The following KCNN3 variants were observed in gnomAD, a reference collection of about 807,000 sequenced individuals.
KCNN3 encodes the protein small conductance calcium-activated potassium channel protein 3.
Under a neutral mutation model 62.9 loss-of-function variants are expected in KCNN3, and 16 were observed. The observed-to-expected ratio is 0.25, with a 90% confidence interval of 0.17 to 0.39. KCNN3 has a LOEUF of 0.39. Among genes scored for constraint, KCNN3 ranks in the 10% least tolerant of loss-of-function variants. The pLI, the probability that KCNN3 is intolerant of heterozygous loss-of-function variation, is 1.00. For missense variants in KCNN3, 599 were observed against 949.4 expected (o/e 0.63, Z 4.85); for synonymous variants, 370 against 389.2 (o/e 0.95, Z 0.58).
intron 1 of KCNN3, among the ~76,000 whole-genome samples, chr1:154,835,494 T>C (rs982349540): frequency 1.5e-4 from 23 of 152,202 alleles, no homozygotes; most frequent in African/African-American, 5.3e-4. Context: ...CAGACATCAT[T>C]CTGCTGGATC....
rs535792177 is a variant in KCNN3, at chr1:154,799,732, C to T, written c.1029+22357G>A. Among the ~76,000 whole-genome samples the T allele has an allele frequency of 3.3e-5, 5 of 152,338 alleles. No individual in the cohort carries two copies. In the East Asian group the frequency reaches 5.8e-4, roughly 18 times the overall value. On this transcript the variant is annotated intron_variant, in intron 2 of 7. Transcript: ENST00000271915. ...GGTGGGGAGACCTGTGCCCCTACAGCGGACAGCCAGCTGATCGTGGTCTGG... is the reference window on the plus strand; with the variant it reads ...GGTGGGGAGACCTGTGCCCCTACAGTGGACAGCCAGCTGATCGTGGTCTGG...
At chr1:154,800,043 G>A (rs562366997) in intron 2 of KCNN3, among the ~76,000 whole-genome samples, 4 of 152,358 alleles carry the variant, frequency 2.6e-5, no homozygotes, top group Admixed American at 2.6e-4. Context: ...CGTATGCATG[G>A]GAAACAGCCT....
chr1:154,818,451 C>A (rs1027316657), intron 2 of KCNN3, among the ~76,000 whole-genome samples: 110 of 152,334 alleles, frequency 7.2e-4, no homozygotes, highest in Middle Eastern at 3.4e-3. Flanking sequence ...TAGGTGGACA[C>A]TACAGTTTAA....
intron 1 of KCNN3, among the ~76,000 whole-genome samples, chr1:154,845,384 G>T (rs1652011904): frequency 6.6e-6 from 1 of 152,198 alleles, no homozygotes; most frequent in Non-Finnish European, 1.5e-5. Context: ...AGCCCCAGGA[G>T]CCCCAGACAG....
chr1:154,842,685 T>G (rs1280528316), intron 1 of KCNN3, among the ~76,000 whole-genome samples: 2 of 140,224 alleles, frequency 1.4e-5, no homozygotes, highest in East Asian at 5.2e-4. Flanking sequence ...CCTGACATAA[T>G]TAAATGCTCA....
intron 1 of KCNN3, among the ~76,000 whole-genome samples, chr1:154,838,371 G>A (rs1022046867): frequency 3.9e-5 from 6 of 152,082 alleles, no homozygotes; most frequent in East Asian, 1.9e-4. Flanking sequence ...GACACAAATC[G>A]TGCCATCCCA....
intron 5 of KCNN3, among the ~76,000 whole-genome samples, chr1:154,725,289 A>T (rs1017847287): frequency 2.0e-5 from 3 of 152,186 alleles, no homozygotes; most frequent in Admixed American, 6.5e-5. Flanking sequence ...TTGAGCATAA[A>T]CAAAAAACAT....
At chr1:154,821,954 C>A (rs747814825) in intron 2 of KCNN3, 135 bp downstream of exon 2, 7 of 705,224 alleles carry the variant, frequency 9.9e-6, no homozygotes, top group Non-Finnish European at 1.5e-5. Context: ...AGAAGAGCCA[C>A]GATCTTGGGC....
intron 1 of KCNN3, among the ~76,000 whole-genome samples, chr1:154,860,739 A>C (rs1417473243): frequency 1.3e-5 from 2 of 152,208 alleles, no homozygotes; most frequent in African/African-American, 4.8e-5. Flanking sequence ...ACATGGGCGC[A>C]TATGCCCCTC....
intron 3 of KCNN3, among the ~76,000 whole-genome samples, chr1:154,760,970 G>T (rs1415255505): frequency 6.6e-6 from 1 of 152,362 alleles, no homozygotes; most frequent in Middle Eastern, 3.4e-3. Context: ...GCTTGTTAGA[G>T]AAAATTATGT....
chr1:154,734,583 G>C lies in KCNN3; in HGVS notation c.1449-1439C>G, dbSNP rs573374461. ...AAATGCTGCTTTTCCTTCCCTTGGC[G>C]CCTTAAGTGAGGCGTGCAGGGCAGG... is the stretch of plus-strand genomic sequence containing the variant. On this transcript the variant is annotated intron_variant, in intron 3 of 7. Transcript: ENST00000271915. Among the ~76,000 whole-genome samples the C allele has an allele frequency of 9.2e-5, 14 of 152,320 alleles. 1 individual carries two copies. In the South Asian group the frequency reaches 2.9e-3, roughly 32 times the overall value.
At chr1:154,755,789 G>GAGA (rs1467633626) in intron 3 of KCNN3, among the ~76,000 whole-genome samples, 1 of 147,238 alleles carries the variant, frequency 6.8e-6, no homozygotes, top group African/African-American at 2.5e-5. Flanking sequence ...AGAGAGAGGG[G>GAGA]AGGAGGAGGA....
intron 2 of KCNN3, among the ~76,000 whole-genome samples, chr1:154,780,095 CAGCCACATGGCACAG>C (rs1249819092): frequency 2.6e-5 from 4 of 152,060 alleles, no homozygotes; most frequent in African/African-American, 9.7e-5. Flanking sequence ...GTGCCTCCAG[CAGCCACATGGCACAG>C]CCCGAGCTTC....
In KCNN3 at chr1:154,697,954, T is replaced by C. The variant is rs973740988; in HGVS notation, c.*10022A>G. On this transcript the variant is annotated 3_prime_UTR_variant, in exon 8 of 8. Coordinates refer to ENST00000271915, the MANE Select transcript of KCNN3 (RefSeq NM_002249.6). Reference sequence around the variant, plus strand: ...ACCTTACAGGGTGATGACTAATATATTGGCATTTGAGATCCTTAGATGAAA... The same window carrying C: ...ACCTTACAGGGTGATGACTAATATACTGGCATTTGAGATCCTTAGATGAAA... The C allele has an allele frequency of 1.3e-5, 2 of 152,212 alleles. No individual in the cohort carries two copies. Among genetic ancestry groups the C allele is most frequent in the Non-Finnish European group, 2.9e-5 (2 of 68,038 alleles). 9.4% of individuals were successfully genotyped at this position (152,212 alleles called of 1,614,324 possible). A position where few individuals can be genotyped will look rare whatever the true frequency, so the allele number is the denominator to read the frequency against.
In KCNN3 at chr1:154,778,997, A is replaced by T. The variant is rs567099091; in HGVS notation, c.1030-6604T>A. Among the ~76,000 whole-genome samples, 6 of 152,236 alleles carry T rather than the reference A, an allele frequency of 3.9e-5. 1 individual carries two copies. The highest frequency in any genetic ancestry group is 3.4e-3 in the Middle Eastern group (1 of 294). On this transcript the variant is annotated intron_variant, in intron 2 of 7. Transcript: ENST00000271915. ...AAAAAGTGTGATACAGCAGAGGTTT[A>T]AAAAATGTCATCGCCATGAGGCTCA...
At chr1:154,766,441 T>TATATATATATATATATATATATATAC (rs1648287978) in intron 3 of KCNN3, among the ~76,000 whole-genome samples, 2 of 132,316 alleles carry the variant, frequency 1.5e-5, no homozygotes, top group Non-Finnish European at 3.3e-5. Flanking sequence ...TATATATATA[T>TATATATATATATATATATATATATAC]ATGTAGAAGT....
intron 5 of KCNN3, among the ~76,000 whole-genome samples, chr1:154,715,314 T>C (rs116142807): frequency 0.013 from 1,925 of 151,402 alleles, 37 homozygotes; most frequent in African/African-American, 0.045. Flanking sequence ...CACATGCCTG[T>C]AGTACCAGCT....
At chr1:154,768,545 C>T (rs932216379) in intron 3 of KCNN3, among the ~76,000 whole-genome samples, 2 of 152,198 alleles carry the variant, frequency 1.3e-5, no homozygotes, top group Non-Finnish European at 2.9e-5. Context: ...GGCGATCCCT[C>T]AGGGACCCTG....
rs1338137449 is a variant in KCNN3 at position 154,852,389 on chromosome 1, T to TA, written c.933+16642dup. On this transcript the variant is annotated intron_variant, in intron 1 of 7. Coordinates refer to ENST00000271915, the MANE Select transcript of KCNN3 (RefSeq NM_002249.6). ...AGCTAATTTTTTTTTTTTTTTTTTT[T>TA]AGAGAGATAGAGTCTCACTGTGTTA... 4.9e-3 allele frequency among the ~76,000 whole-genome samples: 719 copies of TA among 145,626 alleles called. 3 individuals are homozygous for TA. The highest frequency in any genetic ancestry group is 0.013 in the South Asian group (59 of 4,634).
Sources: allele counts gnomAD v4.1 joint callset (sites outside exome capture counted in the v4.1 genomes callset), GRCh38; gene constraint gnomAD v4.1.1; transcripts MANE v1.5; gene names NCBI Gene and HGNC (gene_info 2026-07-23, HGNC 2026-07-21).